The following DTNB variants were observed in gnomAD, a reference collection of about 807,000 sequenced individuals.
DTNB encodes dystrobrevin beta.
A neutral mutation model predicts 90.7 loss-of-function variants in DTNB; 63 were observed. That is an observed-to-expected ratio of 0.69 (90% confidence interval 0.57 to 0.86). DTNB has a LOEUF of 0.86. Among genes scored for constraint, DTNB ranks in the 40% least tolerant of loss-of-function variants. DTNB has a pLI of 0.00. For synonymous variants in DTNB, 277 were observed against 286.7 expected (o/e 0.97, Z 0.34); for missense variants, 744 against 807.1 (o/e 0.92, Z 0.95).
chr2:25,576,191 TG>T (rs201287905), intron 8 of DTNB, among the ~76,000 whole-genome samples: 16 of 149,024 alleles, frequency 1.1e-4, no homozygotes, highest in South Asian at 8.6e-4. Context: ...AGAATAAGCA[TG>T]GGGGGGCGGA....
At chr2:25,410,745 A>T (rs2046376169) in intron 16 of DTNB, among the ~76,000 whole-genome samples, 1 of 152,018 alleles carries the variant, frequency 6.6e-6, no homozygotes, top group Non-Finnish European at 1.5e-5. Flanking sequence ...TAGCTGCTTC[A>T]CTCATTAGCT....
chr2:25,570,097 G>GGA (rs1461112430), intron 8 of DTNB, among the ~76,000 whole-genome samples: 15 of 124,932 alleles, frequency 1.2e-4, no homozygotes, highest in African/African-American at 4.5e-4. Flanking sequence ...ACTGCATCTG[G>GGA]AAAAAAAAAA....
chr2:25,407,539 T>A (rs896197832), intron 16 of DTNB, among the ~76,000 whole-genome samples: 1 of 152,036 alleles, frequency 6.6e-6, no homozygotes, highest in Admixed American at 6.6e-5. Flanking sequence ...CATCAACCAA[T>A]GAGTGAATAA....
intron 5 of DTNB, among the ~76,000 whole-genome samples, chr2:25,596,949 CCT>C (rs1190057531): frequency 6.6e-6 from 1 of 152,188 alleles, no homozygotes; most frequent in African/African-American, 2.4e-5. Flanking sequence ...TCCAATCATT[CCT>C]CTCTTCTCAT....
At chr2:25,662,676 ACACAAACAC>A (rs1559430558) in intron 1 of DTNB, among the ~76,000 whole-genome samples, 11 of 84,140 alleles carry the variant, frequency 1.3e-4, no homozygotes, top group Middle Eastern at 5.9e-3. Flanking sequence ...ACACACACAC[ACACAAACAC>A]ACACACACAC....
At chr2:25,481,995 T>C (rs866155273) in intron 10 of DTNB, 1 of 152,150 alleles carries the variant, frequency 6.6e-6, no homozygotes, top group South Asian at 2.1e-4. Flanking sequence ...TCCAAAGCAA[T>C]CGGTACATAT....
intron 3 of DTNB, among the ~76,000 whole-genome samples, chr2:25,633,102 G>T (rs1489650306): frequency 2.6e-5 from 4 of 152,178 alleles, no homozygotes; most frequent in African/African-American, 9.7e-5. Flanking sequence ...ATAAGATCAA[G>T]ATCAAGATCA....
intron 8 of DTNB, among the ~76,000 whole-genome samples, chr2:25,533,306 G>A (rs1159042668): frequency 2.2e-5 from 3 of 137,700 alleles, no homozygotes; most frequent in East Asian, 2.7e-4. Context: ...CACCCTGGGC[G>A]ACAGAGTGAG....
rs148460857 is a variant in DTNB, at chr2:25,454,061, A to C, written c.1169+1344T>G. Among the ~76,000 whole-genome samples, 243 of 152,088 alleles carry C rather than the reference A, an allele frequency of 1.6e-3. 10 individuals are homozygous for C. The East Asian group carries it at 0.041, about 26-fold the overall frequency. On this transcript the variant is annotated intron_variant, in intron 11 of 20. Coordinates refer to ENST00000406818, the MANE Select transcript of DTNB (RefSeq NM_021907.5). ...GCTACTCGGGAGGTTGAGGCAGGAG[A>C]ATGGCATGAAGCCGGGAGGCAGAGC... is the stretch of plus-strand genomic sequence containing the variant.
At chr2:25,388,439 A>G in intron 16 of DTNB, 78 bp from the exon 17 acceptor site, 1 of 1,494,802 alleles carries the variant, frequency 6.7e-7, no homozygotes, top group South Asian at 1.4e-5. Context: ...CTTTTTCTCC[A>G]TCAACCAGAG....
intron 5 of DTNB, among the ~76,000 whole-genome samples, chr2:25,601,422 C>T (rs1228518487): frequency 6.6e-6 from 1 of 152,150 alleles, no homozygotes; most frequent in African/African-American, 2.4e-5. Context: ...CTTAAATGTA[C>T]ATGTGTATGC....
At chr2:25,429,377 T>C (rs2053075936) in intron 14 of DTNB, among the ~76,000 whole-genome samples, 1 of 152,198 alleles carries the variant, frequency 6.6e-6, no homozygotes, top group Non-Finnish European at 1.5e-5. Flanking sequence ...TTCCTGTCCT[T>C]AGTACCACAC....
chr2:25,423,444 T>C (rs533688744), intron 15 of DTNB, among the ~76,000 whole-genome samples: 3 of 152,178 alleles, frequency 2.0e-5, no homozygotes, highest in Non-Finnish European at 4.4e-5. Context: ...TCATTTCAGA[T>C]AGAAGATAAA....
intron 1 of DTNB, among the ~76,000 whole-genome samples, chr2:25,657,810 CA>C (rs370539363): frequency 1.1e-4 from 16 of 152,168 alleles, no homozygotes; most frequent in African/African-American, 3.6e-4. Flanking sequence ...GAAATCTTAC[CA>C]AAGAAGATAC....
intron 10 of DTNB, among the ~76,000 whole-genome samples, chr2:25,460,383 C>T (rs189926659): frequency 6.6e-6 from 1 of 152,078 alleles, no homozygotes; most frequent in East Asian, 1.9e-4. Flanking sequence ...AAAGCTGTGG[C>T]CAGAAAAATA....
intron 9 of DTNB, among the ~76,000 whole-genome samples, chr2:25,509,507 T>C (rs1012033723): frequency 1.1e-4 from 16 of 152,186 alleles, no homozygotes; most frequent in African/African-American, 3.9e-4. Context: ...TCTTTGCCTT[T>C]CTTGACAGGT....
At chr2:25,595,432 A>T (rs2064380429) in intron 6 of DTNB, among the ~76,000 whole-genome samples, 1 of 152,238 alleles carries the variant, frequency 6.6e-6, no homozygotes, top group Non-Finnish European at 1.5e-5. Flanking sequence ...GGTAAGTTTA[A>T]CATTAAGCTT....
chr2:25,408,851 G>A (rs2045927755), intron 16 of DTNB, among the ~76,000 whole-genome samples: 1 of 152,156 alleles, frequency 6.6e-6, no homozygotes, highest in African/African-American at 2.4e-5. Context: ...TATAAAACCT[G>A]TTACCCTAGA....
Position 25,607,473 on chromosome 2 carries a change from C to T in DTNB, c.363-152G>A, listed in dbSNP as rs112375889. 9.6e-3 allele frequency among the ~76,000 whole-genome samples: 1,406 copies of T among 146,524 alleles called. 13 individuals are homozygous for T. The highest frequency in any genetic ancestry group is 0.017 in the Middle Eastern group (5 of 292). ...TAGAAACCCTGGATTTTTTTTTTTTCATTTGTAGAATTAAGACTTCACCTA... is the reference window on the plus strand; with the variant it reads ...TAGAAACCCTGGATTTTTTTTTTTTTATTTGTAGAATTAAGACTTCACCTA... On this transcript the variant is annotated intron_variant, in intron 4 of 20. Coordinates refer to ENST00000406818, the MANE Select transcript of DTNB (RefSeq NM_021907.5).
Sources: gnomAD v4.1 joint callset for allele counts (sites outside exome capture counted in the v4.1 genomes callset) on GRCh38, gnomAD v4.1.1 for gene constraint, MANE v1.5 for transcripts, NCBI Gene and HGNC (gene_info 2026-07-23, HGNC 2026-07-21) for gene names.